The following NINJ2 variants were observed in gnomAD, a reference collection of about 807,000 sequenced individuals.
The protein encoded by NINJ2 is ninjurin-2.
Under a neutral mutation model 11.7 loss-of-function variants are expected in NINJ2, and 12 were observed. That is an observed-to-expected ratio of 1.02 (90% CI 0.66 to 1.66). The LOEUF is 1.66. NINJ2 is among the 40% of genes most tolerant of loss of function. The pLI is 0.00. For synonymous variants in NINJ2, 93 were observed against 76.8 expected (o/e 1.21, Z -1.10); for missense variants, 187 against 181.8 (o/e 1.03, Z -0.16).
At chr12:595,678 G>C (rs866844912) in intron 1 of NINJ2, among the ~76,000 whole-genome samples, 1 of 152,128 alleles carries the variant, frequency 6.6e-6, no homozygotes, top group Non-Finnish European at 1.5e-5. Flanking sequence ...GCTTGAACCC[G>C]GGAGGCGGAG....
intron 1 of NINJ2, among the ~76,000 whole-genome samples, chr12:642,204 G>C (rs1948427179): frequency 6.6e-6 from 1 of 152,190 alleles, no homozygotes. Flanking sequence ...GGAAAAAAAA[G>C]TCTATGCAAA....
intron 1 of NINJ2, among the ~76,000 whole-genome samples, chr12:592,707 T>TA (rs942059226): frequency 2.0e-4 from 31 of 151,504 alleles, no homozygotes; most frequent in African/African-American, 6.0e-4. Context: ...TCTCAAAATT[T>TA]AAAAAAAAAT....
chr12:598,281 C>T (rs374456841), intron 1 of NINJ2, among the ~76,000 whole-genome samples: 2 of 152,222 alleles, frequency 1.3e-5, no homozygotes, highest in Admixed American at 6.5e-5. Flanking sequence ...CCCTGGGCAC[C>T]GAGGGGGTAA....
intron 1 of NINJ2, among the ~76,000 whole-genome samples, chr12:572,021 C>T (rs560502402): frequency 1.3e-5 from 2 of 152,344 alleles, no homozygotes; most frequent in Admixed American, 6.5e-5. Flanking sequence ...CAGAGGGCAT[C>T]ACCAAAGGCA....
Position 628,456 on chromosome 12 carries a change from A to G in NINJ2, c.33+34872T>C, listed in dbSNP as rs996643123. Among the ~76,000 whole-genome samples, 95 of 152,206 alleles carry G rather than the reference A, an allele frequency of 6.2e-4. 1 individual carries two copies. Among genetic ancestry groups the G allele is most frequent in the Admixed American group, 6.2e-3 (95 of 15,286 alleles). ...TGGCTTTTCTGGTACAGAGTGACCA[A>G]CATAACAGTTAATAGCATTTCCTCA... On this transcript the variant is annotated intron_variant, in intron 1 of 3. Coordinates refer to ENST00000305108, the MANE Select transcript of NINJ2 (RefSeq NM_016533.6). The surrounding 1 kb of genome is among the most constrained non-coding windows in gnomAD (Gnocchi z 4.4).
intron 1 of NINJ2, among the ~76,000 whole-genome samples, chr12:615,667 A>G (rs1948083726): frequency 6.6e-6 from 1 of 152,192 alleles, no homozygotes; most frequent in Non-Finnish European, 1.5e-5. Context: ...CTCAGCTCCT[A>G]TCGGCTAAAT....
chr12:576,896 C>A (rs1038863016), intron 1 of NINJ2, among the ~76,000 whole-genome samples: 1 of 152,220 alleles, frequency 6.6e-6, no homozygotes, highest in East Asian at 1.9e-4. Flanking sequence ...TTGCTCTTTG[C>A]TCTATGCCCA....
chr12:632,563 A>T (rs1343955642), intron 1 of NINJ2: 7 of 152,228 alleles, frequency 4.6e-5, no homozygotes, highest in Admixed American at 3.3e-4. Flanking sequence ...AGCTGGCAAG[A>T]CTCAACATTC....
At chr12:588,861 A>G (rs145625901) in intron 1 of NINJ2, among the ~76,000 whole-genome samples, 1 of 152,218 alleles carries the variant, frequency 6.6e-6, no homozygotes, top group Non-Finnish European at 1.5e-5. Flanking sequence ...AGAGACTGAT[A>G]ATACTCAGTG....
rs1947559831 is a variant in NINJ2 at position 581,798 on chromosome 12, T to A, written c.34-15620A>T. Among the ~76,000 whole-genome samples the A allele has an allele frequency of 6.6e-6, 1 of 152,112 alleles. No individual in the cohort carries two copies. The highest frequency in any genetic ancestry group is 1.5e-5 in the Non-Finnish European group (1 of 68,022). On this transcript the variant is annotated intron_variant, in intron 1 of 3. Transcript: ENST00000305108. This position sits in a 1 kb window ranked among gnomAD's most constrained non-coding sequence, Gnocchi z 4.9. The stretch of plus-strand genomic sequence containing the variant: ...TCCTCCTCGTGGTGAGAAGCTAGTA[T>A]CTGGTGAAATAGGTGAGCTGCTGCC...
At chr12:595,123 A>G (rs908512553) in intron 1 of NINJ2, among the ~76,000 whole-genome samples, 9 of 152,208 alleles carry the variant, frequency 5.9e-5, no homozygotes, top group African/African-American at 2.2e-4. Flanking sequence ...TAATAACTGG[A>G]CATCCACATG....
chr12:631,277 C>G (rs1480911736), intron 1 of NINJ2, among the ~76,000 whole-genome samples: 1 of 152,228 alleles, frequency 6.6e-6, no homozygotes, highest in Non-Finnish European at 1.5e-5. Context: ...TCTCTAATGA[C>G]CCCTGGGGTA....
intron 1 of NINJ2, among the ~76,000 whole-genome samples, chr12:602,987 C>T (rs1035899095): frequency 7.4e-6 from 1 of 135,066 alleles, no homozygotes; most frequent in Admixed American, 7.8e-5. Context: ...CACATGGCCA[C>T]CATGCAAGCT....
At chr12:609,510 C>T (rs1264529928) in intron 1 of NINJ2, among the ~76,000 whole-genome samples, 1 of 152,080 alleles carries the variant, frequency 6.6e-6, no homozygotes, top group Non-Finnish European at 1.5e-5. Flanking sequence ...TGGCTCACGC[C>T]TGTAATCCCA....
chr12:659,300 C>G (rs999643018), intron 1 of NINJ2, among the ~76,000 whole-genome samples: 1 of 152,002 alleles, frequency 6.6e-6, no homozygotes, highest in Non-Finnish European at 1.5e-5. Context: ...ACATTTCCAT[C>G]AACATGCAGC....
intron 1 of NINJ2, among the ~76,000 whole-genome samples, chr12:629,862 C>A (rs1258300238): frequency 1.1e-4 from 6 of 52,660 alleles, no homozygotes; most frequent in African/African-American, 3.5e-4. Flanking sequence ...ACTCCAGCCT[C>A]GGCGACAAGA....
At chr12:567,349 G>A (rs185343700) in intron 1 of NINJ2, among the ~76,000 whole-genome samples, 8 of 152,254 alleles carry the variant, frequency 5.3e-5, no homozygotes, top group Admixed American at 3.3e-4. Context: ...AGATGGATGC[G>A]TGCCTATATA....
chr12:587,565 C>T (rs10849289), intron 1 of NINJ2, among the ~76,000 whole-genome samples: 2 of 152,080 alleles, frequency 1.3e-5, no homozygotes, highest in Non-Finnish European at 2.9e-5. Context: ...TGAAGTTCTA[C>T]AGCTGGGAGG....
chr12:567,432 T>C (rs1025971534), intron 1 of NINJ2, among the ~76,000 whole-genome samples: 1 of 152,240 alleles, frequency 6.6e-6, no homozygotes, highest in African/African-American at 2.4e-5. Flanking sequence ...TATTGAAGCA[T>C]AATTTACATT....
Sources: gnomAD v4.1 joint callset for allele counts (sites outside exome capture counted in the v4.1 genomes callset) on GRCh38, gnomAD v4.1.1 for gene constraint, Gnocchi (gnomAD v3.1) non-coding constraint, MANE v1.5 for transcripts, NCBI Gene and HGNC (gene_info 2026-07-23, HGNC 2026-07-21) for gene names.